Variants in GALNT13 observed in about 807,000 individuals in gnomAD.
The protein encoded by GALNT13 is polypeptide N-acetylgalactosaminyltransferase 13, also known as UDP-GalNAc:polypeptide N-acetylgalactosaminyltransferase 13.
GALNT13 carries 28 observed loss-of-function variants against 64.2 expected under a neutral mutation model. The ratio of observed to expected loss-of-function variants is 0.44; its 90% CI spans 0.32 to 0.60. The LOEUF (loss-of-function observed/expected upper bound fraction) is 0.60. Among genes scored for constraint, GALNT13 ranks in the 20% least tolerant of loss-of-function variants. The pLI is 0.05. For missense variants in GALNT13, 577 were observed against 669.8 expected, an observed-to-expected ratio of 0.86 and a Z score of 1.53; for synonymous variants, 214 against 224.6, an observed-to-expected ratio of 0.95 and a Z score of 0.42.
At chr2:154,168,456 A>G (rs184270447) in intron 4 of GALNT13, among the ~76,000 whole-genome samples, 193 of 152,218 alleles carry the variant, frequency 1.3e-3, no homozygotes, top group Middle Eastern at 0.01. Context: ...ATACCACTAT[A>G]GAAACATCTA....
the GALNT13 span, among the ~76,000 whole-genome samples, chr2:153,239,785 T>G: frequency 6.6e-6 from 1 of 151,616 alleles, no homozygotes; most frequent in African/African-American, 2.4e-5. Flanking sequence ...TACAGCTTTC[T>G]TTTTTTTTGA....
At chr2:153,798,488 C>G in the GALNT13 span, among the ~76,000 whole-genome samples, 3 of 152,124 alleles carry the variant, frequency 2.0e-5, no homozygotes, top group African/African-American at 7.2e-5. Context: ...AAGATAAATG[C>G]AGTGTTTACT....
chr2:154,184,255 T>C (rs531997045), intron 4 of GALNT13, among the ~76,000 whole-genome samples: 97 of 152,232 alleles, frequency 6.4e-4, no homozygotes, highest in African/African-American at 2.3e-3. Context: ...TTGTAACTCA[T>C]AGAATATGCT....
At chr2:154,209,241 A>G (rs377263062) in intron 4 of GALNT13, among the ~76,000 whole-genome samples, 4 of 152,222 alleles carry the variant, frequency 2.6e-5, no homozygotes, top group African/African-American at 7.2e-5. Flanking sequence ...AAATTTAATT[A>G]AATCTGAGGA....
chr2:153,182,421 C>T, the GALNT13 span, among the ~76,000 whole-genome samples: 128 of 152,264 alleles, frequency 8.4e-4, no homozygotes, highest in African/African-American at 3.0e-3. Context: ...CAGATATGAA[C>T]CAAAAGATAT....
chr2:153,866,718 T>A, the GALNT13 span, among the ~76,000 whole-genome samples: 1 of 152,200 alleles, frequency 6.6e-6, no homozygotes, highest in African/African-American at 2.4e-5. Flanking sequence ...AAACTTTTAA[T>A]GAGATATTGC....
chr2:153,564,192 T>A, the GALNT13 span, among the ~76,000 whole-genome samples: 14 of 141,584 alleles, frequency 9.9e-5, no homozygotes, highest in South Asian at 4.2e-4. Flanking sequence ...CATGGATTTT[T>A]TATATATATA....
At chr2:154,227,367 A>G (rs1014255042) in intron 4 of GALNT13, among the ~76,000 whole-genome samples, 4 of 150,374 alleles carry the variant, frequency 2.7e-5, no homozygotes, top group African/African-American at 9.8e-5. Context: ...TTTAGGGTAC[A>G]TGTGCATAAC....
the GALNT13 span, among the ~76,000 whole-genome samples, chr2:153,352,412 T>C: frequency 6.6e-6 from 1 of 152,164 alleles, no homozygotes; most frequent in Non-Finnish European, 1.5e-5. Flanking sequence ...CCTCTTTTTA[T>C]TCTTTTGACC....
At chr2:153,549,422 C>T in the GALNT13 span, among the ~76,000 whole-genome samples, 5 of 152,168 alleles carry the variant, frequency 3.3e-5, no homozygotes, top group African/African-American at 9.7e-5. Context: ...TGATTCCTCA[C>T]CTCAAGAGGT....
chr2:153,740,483 A>G, the GALNT13 span, among the ~76,000 whole-genome samples: 3 of 152,114 alleles, frequency 2.0e-5, no homozygotes, highest in Admixed American at 6.5e-5. Context: ...CATATTTCCT[A>G]TTACTAAATG....
At position 154,453,753 on chromosome 2, in the gene GALNT13, A is replaced by G. The variant is rs921678469; in HGVS notation, c.*3202A>G. 3.9e-5 allele frequency: 6 copies of G among 152,132 alleles called. No homozygotes were observed. Among genetic ancestry groups the G allele is most frequent in the Non-Finnish European group, 8.8e-5 (6 of 68,022 alleles). The allele number at this position is 152,132 out of a possible 1,614,324, so 9.4% of individuals were successfully genotyped here. A position where few individuals can be genotyped will look rare whatever the true frequency, so the allele number is the denominator to read the frequency against. ...ATTTCTTGAATTAATGAACTGAAAA[A>G]TGTGTGTTAAAGTTGCTAAGTGTAA... On this transcript the variant is annotated 3_prime_UTR_variant, in exon 13 of 13. Coordinates refer to ENST00000392825, the MANE Select transcript of GALNT13 (RefSeq NM_052917.4).
chr2:153,246,817 T>C, the GALNT13 span, among the ~76,000 whole-genome samples: 1 of 152,152 alleles, frequency 6.6e-6, no homozygotes, highest in African/African-American at 2.4e-5. Context: ...TAAATGCAAA[T>C]GGGCTAAATA....
intron 3 of GALNT13, among the ~76,000 whole-genome samples, chr2:154,131,464 G>T (rs1475988129): frequency 6.6e-6 from 1 of 152,054 alleles, no homozygotes; most frequent in Admixed American, 6.6e-5. Context: ...AGAACAAATC[G>T]TATTCCTTTA....
the GALNT13 span, among the ~76,000 whole-genome samples, chr2:153,773,265 G>C: frequency 6.6e-6 from 1 of 152,316 alleles, no homozygotes; most frequent in Admixed American, 6.5e-5. Context: ...GTTGAGGTTT[G>C]CTTCCCTACC....
At chr2:153,250,653 T>C in the GALNT13 span, among the ~76,000 whole-genome samples, 4,258 of 152,320 alleles carry the variant, frequency 0.028, 187 homozygotes, top group African/African-American at 0.091. Context: ...AGTGGCAGAC[T>C]GGATAAAGAA....
the GALNT13 span, among the ~76,000 whole-genome samples, chr2:153,144,066 G>T: frequency 1.3e-4 from 20 of 152,000 alleles, no homozygotes; most frequent in African/African-American, 4.6e-4. Flanking sequence ...TGGGTCATTG[G>T]ATAATTGGAT....
the GALNT13 span, among the ~76,000 whole-genome samples, chr2:153,603,405 T>C: frequency 2.6e-5 from 4 of 151,976 alleles, no homozygotes; most frequent in Non-Finnish European, 4.4e-5. Context: ...CTAATTCTAA[T>C]TGAATTAGAT....
At chr2:153,224,902 C>CA in the GALNT13 span, among the ~76,000 whole-genome samples, 1 of 152,082 alleles carries the variant, frequency 6.6e-6, no homozygotes. Context: ...GTCAAAGCTC[C>CA]AAAAAGTAAC....
Sources: allele counts gnomAD v4.1 joint callset (sites outside exome capture counted in the v4.1 genomes callset), GRCh38; gene constraint gnomAD v4.1.1; transcripts MANE v1.5; gene names NCBI Gene and HGNC (gene_info 2026-07-23, HGNC 2026-07-21).